The following PLCB1 variants were observed in gnomAD, a reference collection of about 807,000 sequenced individuals.
The protein encoded by PLCB1 is 1-phosphatidylinositol 4,5-bisphosphate phosphodiesterase beta-1.
A neutral mutation model predicts 161.8 loss-of-function variants in PLCB1; 46 were observed. That is an observed-to-expected ratio of 0.28 (90% CI 0.22 to 0.36). The LOEUF is 0.36. Ranked by LOEUF, PLCB1 falls within the 10% of genes least tolerant of loss-of-function variation. The probability of loss-of-function intolerance (pLI) is 1.00; values close to 1 mark genes in which losing one functional copy is unlikely to be tolerated. For synonymous variants in PLCB1, 517 were observed against 503.7 expected (o/e 1.03, Z -0.35); for missense variants, 1,016 against 1,472.5 (o/e 0.69, Z 5.07).
chr20:8,685,490 G>A (rs533743259), intron 10 of PLCB1, among the ~76,000 whole-genome samples: 32 of 151,288 alleles, frequency 2.1e-4, no homozygotes, highest in Non-Finnish European at 4.1e-4. Context: ...TTGGGACGGC[G>A]AGGCGGGCGG....
At chr20:8,391,777 A>ATGTG (rs1405473637) in intron 3 of PLCB1, among the ~76,000 whole-genome samples, 2 of 50,904 alleles carry the variant, frequency 3.9e-5, no homozygotes, top group Non-Finnish European at 8.5e-5. Flanking sequence ...ATATATATAT[A>ATGTG]TGTGTGTGTA....
At chr20:8,277,223 T>G (rs1982626184) in intron 2 of PLCB1, among the ~76,000 whole-genome samples, 1 of 151,702 alleles carries the variant, frequency 6.6e-6, no homozygotes. Context: ...ATAGTTCAAT[T>G]CCCTTTGCAC....
At position 8,540,716 on chromosome 20, in the gene PLCB1, GTCAGATATAACTGATGA is replaced by G. The variant is rs1363339021; in HGVS notation, c.247-87576_247-87560del. ...TGATGAGAGACAGGATTAAGGTTAT[GTCAGATATAACTGATGA>G]TTAGAGTTATTTCCACCTTCTCCAC... On this transcript the variant is annotated intron_variant, in intron 3 of 31. Coordinates refer to ENST00000338037, the MANE Select transcript of PLCB1 (RefSeq NM_015192.4). Among the ~76,000 whole-genome samples the G allele has an allele frequency of 2.0e-5, 3 of 152,210 alleles. No individual in the cohort carries two copies. In the East Asian group the frequency reaches 5.8e-4, roughly 30 times the overall value.
At chr20:8,421,310 A>C (rs1416533005) in intron 3 of PLCB1, among the ~76,000 whole-genome samples, 1 of 152,216 alleles carries the variant, frequency 6.6e-6, no homozygotes, top group Non-Finnish European at 1.5e-5. Context: ...TTTCAGAAAG[A>C]AGCAAAAATT....
Position 8,802,629 on chromosome 20 carries a change from T to C in PLCB1, c.3423+12368T>C, listed in dbSNP as rs574145046. On this transcript the variant is annotated intron_variant, in intron 31 of 31. Coordinates refer to ENST00000338037, the MANE Select transcript of PLCB1 (RefSeq NM_015192.4). Reference sequence around the variant, plus strand: ...TCTCAAGGAGTCTGTTTCAATCCACTCCCCTCAACTTACCACAGCCCTCCT... The same window carrying C: ...TCTCAAGGAGTCTGTTTCAATCCACCCCCCTCAACTTACCACAGCCCTCCT... The C allele has an allele frequency of 5.8e-5, 9 of 154,064 alleles. No homozygotes were observed. In the South Asian group the frequency reaches 1.8e-3, roughly 32 times the overall value. The allele number at this position is 154,064 out of a possible 1,614,324, so 9.5% of individuals were successfully genotyped here.
chr20:8,327,231 T>G (rs1047749946), intron 2 of PLCB1, among the ~76,000 whole-genome samples: 3 of 152,224 alleles, frequency 2.0e-5, no homozygotes, highest in Non-Finnish European at 4.4e-5. Context: ...CAGTTTAATG[T>G]GACCCTACTC....
chr20:8,382,190 T>C (rs1043908960), intron 3 of PLCB1, among the ~76,000 whole-genome samples: 32 of 152,168 alleles, frequency 2.1e-4, no homozygotes, highest in Admixed American at 1.8e-3. Context: ...ACTTCTTGAT[T>C]TCTGCCTTAA....
At chr20:8,659,991 C>CAA (rs11482818) in intron 9 of PLCB1, among the ~76,000 whole-genome samples, 10,392 of 109,556 alleles carry the variant, frequency 0.095, 598 homozygotes, top group East Asian at 0.2. Context: ...GACTCTGTCT[C>CAA]AAAAAAAAAA....
chr20:8,300,584 A>G (rs1983862171), intron 2 of PLCB1, among the ~76,000 whole-genome samples: 1 of 152,076 alleles, frequency 6.6e-6, no homozygotes, highest in African/African-American at 2.4e-5. Flanking sequence ...GTACATGTGC[A>G]CAATGTGCAG....
At chr20:8,238,762 A>G (rs1980452620) in intron 2 of PLCB1, among the ~76,000 whole-genome samples, 1 of 152,032 alleles carries the variant, frequency 6.6e-6, no homozygotes, top group African/African-American at 2.4e-5. Context: ...CAAATGTTAT[A>G]GACAGACCTG....
chr20:8,203,529 GA>G (rs1203531687), intron 2 of PLCB1, among the ~76,000 whole-genome samples: 1 of 152,078 alleles, frequency 6.6e-6, no homozygotes, highest in Non-Finnish European at 1.5e-5. Flanking sequence ...TTTGGGCTCT[GA>G]AAAGAGAGAA....
chr20:8,722,318 A>G (rs763927702), intron 14 of PLCB1, 36 bp from the exon 15 acceptor site: 1 of 1,497,614 alleles, frequency 6.7e-7, no homozygotes, highest in Non-Finnish European at 9.2e-7. Flanking sequence ...AAATGTTGAA[A>G]TGGTGACATG....
intron 3 of PLCB1, among the ~76,000 whole-genome samples, chr20:8,473,214 C>T (rs1426159673): frequency 6.6e-6 from 1 of 152,138 alleles, no homozygotes; most frequent in African/African-American, 2.4e-5. Flanking sequence ...TCTTGACATA[C>T]ACTGCTGAAT....
intron 4 of PLCB1, among the ~76,000 whole-genome samples, chr20:8,643,769 C>CTCTCCCTCTT (rs1989035200): frequency 7.0e-6 from 1 of 143,668 alleles, no homozygotes; most frequent in African/African-American, 2.6e-5. Context: ...CTCCCTCTCC[C>CTCTCCCTCTT]TCTCCCTCTT....
At chr20:8,720,493 A>C (rs759963840) in intron 14 of PLCB1, among the ~76,000 whole-genome samples, 1 of 152,180 alleles carries the variant, frequency 6.6e-6, no homozygotes, top group Non-Finnish European at 1.5e-5. Context: ...GAAAAACGTG[A>C]CAGGTATTGT....
At chr20:8,251,758 A>G (rs1028644552) in intron 2 of PLCB1, among the ~76,000 whole-genome samples, 1 of 151,996 alleles carries the variant, frequency 6.6e-6, no homozygotes, top group African/African-American at 2.4e-5. Context: ...AGTGAGACAC[A>G]TTCCTAGGTC....
At chr20:8,320,170 T>C (rs1984847000) in intron 2 of PLCB1, among the ~76,000 whole-genome samples, 1 of 152,128 alleles carries the variant, frequency 6.6e-6, no homozygotes. Flanking sequence ...AATATGCTTC[T>C]CTATATGTTG....
chr20:8,527,717 C>T (rs376371004), intron 3 of PLCB1, among the ~76,000 whole-genome samples: 51 of 151,958 alleles, frequency 3.4e-4, no homozygotes, highest in East Asian at 2.7e-3. Context: ...ATTTTATATA[C>T]GTAAAAATTC....
chr20:8,427,703 G>A (rs896333146), intron 3 of PLCB1, among the ~76,000 whole-genome samples: 1 of 152,130 alleles, frequency 6.6e-6, no homozygotes, highest in African/African-American at 2.4e-5. Context: ...TGGGATTCTT[G>A]ATTGGTTGGA....
Sources: gnomAD v4.1 joint callset for allele counts (sites outside exome capture counted in the v4.1 genomes callset) on GRCh38, gnomAD v4.1.1 for gene constraint, MANE v1.5 for transcripts, NCBI Gene and HGNC (gene_info 2026-07-23, HGNC 2026-07-21) for gene names.